PKHD1: variants seen among roughly 807,000 people sequenced by gnomAD.
PKHD1 encodes the protein fibrocystin.
A neutral mutation model predicts 412.0 loss-of-function variants in PKHD1; 291 were observed. The observed-to-expected ratio is 0.71, with a 90% CI of 0.64 to 0.78. The LOEUF (loss-of-function observed/expected upper bound fraction) is 0.78. PKHD1 is among the 30% of genes least tolerant of loss of function. The pLI is 0.00. For synonymous variants in PKHD1, 1,777 were observed against 1,821.5 expected, an observed-to-expected ratio of 0.98 and a Z score of 0.62; for missense variants, 4,825 against 4,950.7, an observed-to-expected ratio of 0.97 and a Z score of 0.76.
chr6:51,760,651 G>A (rs1393520798), intron 55 of PKHD1, among the ~76,000 whole-genome samples: 1 of 152,042 alleles, frequency 6.6e-6, no homozygotes, highest in Non-Finnish European at 1.5e-5. Context: ...CATGGGTGAA[G>A]TGCTGCAATG....
At chr6:51,642,338 A>T (rs35375565) in intron 63 of PKHD1, among the ~76,000 whole-genome samples, 6,516 of 152,274 alleles carry the variant, frequency 0.043, 235 homozygotes, top group African/African-American at 0.093. Context: ...AGTAAGTAAG[A>T]TATGGACTAT....
intron 52 of PKHD1, 80 bp downstream of exon 52, chr6:51,830,781 T>C: frequency 7.4e-7 from 1 of 1,342,976 alleles, no homozygotes; most frequent in Middle Eastern, 1.8e-4. Context: ...TTTACTGTGT[T>C]GTACAATATA....
In PKHD1 at chr6:51,934,252, A is replaced by T. The variant is rs1561921169; in HGVS notation, c.5979T>A (p.Gly1993=). 6.2e-7 allele frequency: 1 copy of T among 1,613,822 alleles called. No homozygotes were observed. Among genetic ancestry groups the T allele is most frequent in the Non-Finnish European group, 8.5e-7 (1 of 1,179,920 alleles). The change falls in exon 37 of 67, where the codon GGT becomes GGA. Residue 1993 remains glycine (G), a synonymous_variant. Coordinates refer to ENST00000371117, the MANE Select transcript of PKHD1 (RefSeq NM_138694.4). ...LRAHAILVSD[G]GELRIGSEDK... ...CTTCGGATCCAATCCGGAGCTCTCC[A>T]CCATCAGAAACAAGGATGGCGTGTG...
chr6:52,048,644 T>C, intron 22 of PKHD1, 25 bp from the exon 23 acceptor site: 1 of 1,613,698 alleles, frequency 6.2e-7, no homozygotes, highest in South Asian at 1.1e-5. Flanking sequence ...AAACAAAGTA[T>C]TAACGTCTGG....
intron 36 of PKHD1, among the ~76,000 whole-genome samples, chr6:51,946,007 T>C (rs1250104185): frequency 6.6e-6 from 1 of 152,256 alleles, no homozygotes; most frequent in Non-Finnish European, 1.5e-5. Context: ...TTAATGAAGA[T>C]ATACCTTGTC....
In PKHD1 at chr6:52,075,891, G is replaced by A. The variant is rs139497293; in HGVS notation, c.448+385C>T. Among the ~76,000 whole-genome samples the A allele has an allele frequency of 2.9e-3, 436 of 152,228 alleles. 3 individuals carry two copies. Among genetic ancestry groups the A allele is most frequent in the African/African-American group, 0.01 (423 of 41,548 alleles). On this transcript the variant is annotated intron_variant, in intron 6 of 66. Coordinates refer to ENST00000371117, the MANE Select transcript of PKHD1 (RefSeq NM_138694.4). ...CTCTTCTATTATCAGGTTTTGGCGA[G>A]GATCTAGTAAGATATCTGAAGAGCT...
intron 49 of PKHD1, among the ~76,000 whole-genome samples, chr6:51,854,419 G>T (rs766620222): frequency 6.6e-6 from 1 of 152,138 alleles, no homozygotes; most frequent in African/African-American, 2.4e-5. Context: ...GGCATGAGGA[G>T]CAGGACCCGT....
chr6:51,642,593 A>C (rs1769509987), intron 63 of PKHD1, among the ~76,000 whole-genome samples: 1 of 152,180 alleles, frequency 6.6e-6, no homozygotes, highest in Non-Finnish European at 1.5e-5. Flanking sequence ...TAATCCCGAC[A>C]CTTTGGGAGG....
chr6:51,752,069 C>T (rs1377910310), intron 57 of PKHD1, among the ~76,000 whole-genome samples: 1 of 152,192 alleles, frequency 6.6e-6, no homozygotes, highest in Non-Finnish European at 1.5e-5. Context: ...CATGCTCCAG[C>T]TTGCCCTGTG....
At chr6:52,062,395 G>A (rs1223432613) in intron 14 of PKHD1, 124 bp downstream of exon 14, 2 of 1,002,114 alleles carry the variant, frequency 2.0e-6, no homozygotes, top group Admixed American at 3.5e-5. Context: ...AAACTCTGTT[G>A]TTGTTGAATT....
chr6:51,981,337 C>A (rs1468151034), intron 35 of PKHD1, among the ~76,000 whole-genome samples: 1 of 64,598 alleles, frequency 1.5e-5, no homozygotes, highest in African/African-American at 5.0e-5. Context: ...CCCTCTCCCT[C>A]TCCCTCTCCC....
At chr6:51,898,805 T>C (rs902970690) in intron 43 of PKHD1, among the ~76,000 whole-genome samples, 1 of 149,626 alleles carries the variant, frequency 6.7e-6, no homozygotes, top group Non-Finnish European at 1.5e-5. Context: ...AAGAATCAAA[T>C]AGACGCAATA....
At chr6:51,923,466 G>A (rs1465169944) in intron 37 of PKHD1, among the ~76,000 whole-genome samples, 1 of 151,562 alleles carries the variant, frequency 6.6e-6, no homozygotes, top group Non-Finnish European at 1.5e-5. Flanking sequence ...TTTGGTCCAT[G>A]GCTCATAGTT....
intron 50 of PKHD1, among the ~76,000 whole-genome samples, chr6:51,837,931 C>T (rs755689253): frequency 6.6e-6 from 1 of 152,172 alleles, no homozygotes; most frequent in Non-Finnish European, 1.5e-5. Context: ...ATGCTCTTGA[C>T]ATGTTCTACC....
At chr6:51,710,332 A>T (rs1487401618) in intron 60 of PKHD1, among the ~76,000 whole-genome samples, 3 of 152,236 alleles carry the variant, frequency 2.0e-5, no homozygotes, top group African/African-American at 7.2e-5. Context: ...ATATTCCTGC[A>T]GTGGATAAGG....
intron 60 of PKHD1, among the ~76,000 whole-genome samples, chr6:51,713,842 G>T (rs1393993572): frequency 2.6e-5 from 4 of 152,124 alleles, no homozygotes; most frequent in African/African-American, 9.7e-5. Flanking sequence ...ACACATATCT[G>T]GTCTACAGTT....
intron 55 of PKHD1, among the ~76,000 whole-genome samples, chr6:51,755,834 CA>C (rs1786906120): frequency 6.6e-6 from 1 of 152,082 alleles, no homozygotes; most frequent in Admixed American, 6.6e-5. Flanking sequence ...AAATCTTATG[CA>C]CCAGACAATA....
chr6:51,694,325 A>G (rs1778523710), intron 60 of PKHD1, among the ~76,000 whole-genome samples: 1 of 151,962 alleles, frequency 6.6e-6, no homozygotes. Flanking sequence ...AAAATGAACC[A>G]CTTAAAACCA....
chr6:51,840,826 C>T (rs788510), intron 50 of PKHD1, among the ~76,000 whole-genome samples: 59,479 of 151,992 alleles, frequency 0.39, 12,770 homozygotes, highest in East Asian at 0.72. Context: ...CAAACCCTTA[C>T]AGACCAAATC....
Sources: allele counts gnomAD v4.1 joint callset (sites outside exome capture counted in the v4.1 genomes callset), GRCh38; gene constraint gnomAD v4.1.1; transcripts MANE v1.5; gene names NCBI Gene and HGNC (gene_info 2026-07-23, HGNC 2026-07-21).